The following NCLN variants were observed in gnomAD, a reference collection of about 807,000 sequenced individuals.
NCLN encodes nicalin, also known as BOS complex subunit NCLN.
In NCLN, 34 loss-of-function variants were observed where a neutral mutation model predicts 69.5. The ratio of observed to expected loss-of-function variants is 0.49; its 90% CI spans 0.37 to 0.65. The LOEUF is 0.65. NCLN is among the 30% of genes least tolerant of loss of function. The pLI is 0.00. For missense variants in NCLN, 710 were observed against 804.8 expected (o/e 0.88, Z 1.42); for synonymous variants, 393 against 358.3 (o/e 1.10, Z -1.09).
rs776625607 is a variant in NCLN at position 3,205,844 on chromosome 19, G to A, written c.1209-95G>A. ...TTTTTTTTTAAAGACAGAGTCTCAC[G>A]GTCTCCTAGGCTGGAGTGCTGGGAT... is the stretch of plus-strand genomic sequence containing the variant. On this transcript the variant is annotated intron_variant, in intron 9 of 14. Coordinates refer to ENST00000246117, the MANE Select transcript of NCLN (RefSeq NM_020170.4). This position sits in a 1 kb window ranked among gnomAD's most constrained non-coding sequence, Gnocchi z 4.6. 3.4e-5 allele frequency: 36 copies of A among 1,051,458 alleles called. No homozygotes were observed. The highest frequency in any genetic ancestry group is 9.7e-5 in the African/African-American group (6 of 62,006). The allele number at this position is 1,051,458 out of a possible 1,614,324, so 65.1% of individuals were successfully genotyped here. A position where few individuals can be genotyped will look rare whatever the true frequency, so the allele number is the denominator to read the frequency against.
intron 1 of NCLN, among the ~76,000 whole-genome samples, chr19:3,186,936 C>T (rs573543929): frequency 2.0e-5 from 3 of 152,252 alleles, no homozygotes; most frequent in Middle Eastern, 3.4e-3. Flanking sequence ...CCCTGACGCT[C>T]TCTGGTCCCA....
In NCLN at chr19:3,193,861, C is replaced by T. The variant is rs556274192; in HGVS notation, c.520+433C>T. Reference sequence around the variant, plus strand: ...AAGGGGCACACGCCTTTCCTCCAGCCCCGTGAACGGGGGCCCTGGCAGCGA... The same window carrying T: ...AAGGGGCACACGCCTTTCCTCCAGCTCCGTGAACGGGGGCCCTGGCAGCGA... On this transcript the variant is annotated intron_variant, in intron 3 of 14. Coordinates refer to ENST00000246117, the MANE Select transcript of NCLN (RefSeq NM_020170.4). Among the ~76,000 whole-genome samples, 126 of 152,380 alleles carry T rather than the reference C, an allele frequency of 8.3e-4. 1 individual carries two copies. The highest frequency in any genetic ancestry group is 3.0e-3 in the African/African-American group (124 of 41,586).
At position 3,205,705 on chromosome 19, in the gene NCLN, T is replaced by C. The variant is rs1916245475; in HGVS notation, c.1209-234T>C. ...CAGAAGGAACCAAGGCCTCAGGGCG[T>C]GAGCCTTACCTGCGCACAGGGACGG... On this transcript the variant is annotated intron_variant, in intron 9 of 14. Coordinates refer to ENST00000246117, the MANE Select transcript of NCLN (RefSeq NM_020170.4). This position sits in a 1 kb window ranked among gnomAD's most constrained non-coding sequence, Gnocchi z 4.6. 1.9e-6 allele frequency: 1 copy of C among 539,212 alleles called. No homozygotes were observed. Among genetic ancestry groups the C allele is most frequent in the Non-Finnish European group, 3.3e-6 (1 of 304,308 alleles). The allele number at this position is 539,212 out of a possible 1,614,324, so 33.4% of individuals were successfully genotyped here.
Position 3,205,835 on chromosome 19 carries a change from G to T in NCLN, c.1209-104G>T. On this transcript the variant is annotated intron_variant, in intron 9 of 14. Transcript: ENST00000246117. This position sits in a 1 kb window ranked among gnomAD's most constrained non-coding sequence, Gnocchi z 4.6. ...TAATTTTTTTTTTTTTTTAAAGACA[G>T]AGTCTCACGGTCTCCTAGGCTGGAG... 1.1e-6 allele frequency: 1 copy of T among 937,330 alleles called. No homozygotes were observed. The highest frequency in any genetic ancestry group is 1.7e-6 in the Non-Finnish European group (1 of 602,354). The allele number at this position is 937,330 out of a possible 1,614,324, so 58.1% of individuals were successfully genotyped here.
At chr19:3,196,688 G>A (rs368095995) in intron 4 of NCLN, among the ~76,000 whole-genome samples, 3 of 152,166 alleles carry the variant, frequency 2.0e-5, no homozygotes, top group Non-Finnish European at 4.4e-5. Flanking sequence ...AGACCCTTCC[G>A]AGCACCCCGG....
At position 3,207,161 on chromosome 19, in the gene NCLN, C is replaced by T. The variant is rs371456166; in HGVS notation, c.1500-37C>T. The T allele has an allele frequency of 8.6e-5, 139 of 1,609,678 alleles. No individual in the cohort carries two copies. The African/African-American group carries it at 1.2e-3, about 14-fold the overall frequency. ...AACCCTTTTTTAAGAATTAGCTGGG[C>T]GCAGTGGTGCCCCCTGAGAAAGTGC... On this transcript the variant is annotated intron_variant, in intron 12 of 14. Transcript: ENST00000246117.
At position 3,208,893 on chromosome 19, in the gene NCLN, CGT is replaced by C. The variant is rs1054259900; in HGVS notation, c.*1215_*1216del. On this transcript the variant is annotated 3_prime_UTR_variant, in exon 15 of 15. Coordinates refer to ENST00000246117, the MANE Select transcript of NCLN (RefSeq NM_020170.4). ...ACCCTCCACCCCGCAGACCAGGCGTCGTGTGTGTGTGGGAGAGAAGGAGGCCC... is the reference window on the plus strand; with the variant it reads ...ACCCTCCACCCCGCAGACCAGGCGTCGTGTGTGTGGGAGAGAAGGAGGCCC... The C allele has an allele frequency of 3.3e-5, 5 of 152,376 alleles. No individual in the cohort carries two copies. Among genetic ancestry groups the C allele is most frequent in the Non-Finnish European group, 4.4e-5 (3 of 68,252 alleles). The allele number at this position is 152,376 out of a possible 1,614,324, so 9.4% of individuals were successfully genotyped here.
At chr19:3,207,325 G>T in intron 13 of NCLN, 66 bp from the exon 14 acceptor site, 5 of 1,612,342 alleles carry the variant, frequency 3.1e-6, no homozygotes, top group Non-Finnish European at 4.2e-6. Flanking sequence ...CGGCCCACGG[G>T]GGTCTAGGGG....
At chr19:3,195,720 G>T (rs1018822678) in intron 3 of NCLN, among the ~76,000 whole-genome samples, 1 of 152,108 alleles carries the variant, frequency 6.6e-6, no homozygotes, top group African/African-American at 2.4e-5. Context: ...GATCCTGGGA[G>T]GTAGAGGCTG....
In NCLN at chr19:3,186,027, C is replaced by G; in HGVS notation, c.-4C>G. 3 of 1,558,596 alleles carry G rather than the reference C, an allele frequency of 1.9e-6. No homozygotes were observed. Among genetic ancestry groups the G allele is most frequent in the Non-Finnish European group, 2.6e-6 (3 of 1,157,546 alleles). On this transcript the variant is annotated 5_prime_UTR_variant, in exon 1 of 15. Transcript: ENST00000246117. The stretch of plus-strand genomic sequence containing the variant: ...CGCCCCGCGCGGCCCCGCCGCCGGC[C>G]AGGATGCTGGAGGAAGCGGGCGAGG...
intron 1 of NCLN, among the ~76,000 whole-genome samples, chr19:3,190,379 G>T (rs143789196): frequency 6.6e-6 from 1 of 152,102 alleles, no homozygotes; most frequent in African/African-American, 2.4e-5. Context: ...TGCTGCACCC[G>T]AGACCCCGCC....
At chr19:3,202,338 T>C (rs1454278775) in intron 6 of NCLN, among the ~76,000 whole-genome samples, 2 of 152,144 alleles carry the variant, frequency 1.3e-5, no homozygotes, top group Non-Finnish European at 2.9e-5. Context: ...CCCCAGATAA[T>C]GAATGCAGGC....
At chr19:3,201,398 G>C (rs1916122477) in intron 5 of NCLN, 125 bp from the exon 6 acceptor site, 4 of 678,958 alleles carry the variant, frequency 5.9e-6, no homozygotes, top group Non-Finnish European at 7.7e-6. Context: ...TGTGGGCAGA[G>C]GTCATGGGGC....
At chr19:3,199,070 G>A (rs2304249) in intron 5 of NCLN, among the ~76,000 whole-genome samples, 173 bp downstream of exon 5, 11,967 of 152,236 alleles carry the variant, frequency 0.079, 1,030 homozygotes, top group East Asian at 0.42. Flanking sequence ...GGTGTCGTGG[G>A]GCTGAAACAG....
Position 3,207,609 on chromosome 19 carries a change from C to A in NCLN, c.1633-20C>A. 1.1e-5 allele frequency: 17 copies of A among 1,612,424 alleles called. No homozygotes were observed. Among genetic ancestry groups the A allele is most frequent in the Non-Finnish European group, 1.4e-5 (17 of 1,179,576 alleles). ...CTCTGGCCCCGCCCACATCCTCACT[C>A]CCTCCTGCTGTGTCCCCAGCACTTC... On this transcript the variant is annotated intron_variant, in intron 14 of 14. Transcript: ENST00000246117.
At position 3,203,814 on chromosome 19, in the gene NCLN, C is replaced by T. The variant is rs373049704; in HGVS notation, c.859C>T (p.Arg287Cys). 2.5e-5 allele frequency: 40 copies of T among 1,613,122 alleles called. No individual in the cohort carries two copies. Among genetic ancestry groups the T allele is most frequent in the South Asian group, 1.1e-5 (1 of 91,016 alleles). Residue 287 changes from arginine (R) to cysteine (C), a missense_variant, in exon 7 of 15, where the codon CGC (arginine) becomes TGC (cysteine). Arg to Cys is a radical substitution (Grantham distance 180). Transcript: ENST00000246117. ...CAAGTTTAACTACCAGGGAACCAAG[C>T]GCTGGCTGGAAGACAACCTGGACCA... is the stretch of plus-strand genomic sequence containing the variant. The part of the protein sequence containing the change: ...GGKFNYQGTK[R>C]WLEDNLDHTD...
At chr19:3,188,308 G>C (rs1308430390) in intron 1 of NCLN, among the ~76,000 whole-genome samples, 1 of 152,068 alleles carries the variant, frequency 6.6e-6, no homozygotes, top group African/African-American at 2.4e-5. Flanking sequence ...TCCCTACACT[G>C]TCCCTGGGCA....
At chr19:3,196,378 G>C in intron 4 of NCLN, 101 bp downstream of exon 4, 1 of 848,022 alleles carries the variant, frequency 1.2e-6, no homozygotes, top group Non-Finnish European at 1.8e-6. Flanking sequence ...CCGCTGATGG[G>C]AAACTGGAGT....
chr19:3,196,271 C>T lies in NCLN; in HGVS notation c.609C>T (p.Ser203=), dbSNP rs1269444399. The T allele has an allele frequency of 6.5e-6, 10 of 1,546,108 alleles. No individual in the cohort carries two copies. Among genetic ancestry groups the T allele is most frequent in the Admixed American group, 2.0e-5 (1 of 50,848 alleles). The part of the protein sequence containing the change: ...SKAVSDWLIA[S]VEGRLTGLGG... ...CCGTGAGTGACTGGCTGATTGCCAGCGTGGAGGTGAGTGCCGCCTGCCCCG... is the reference window on the plus strand; with the variant it reads ...CCGTGAGTGACTGGCTGATTGCCAGTGTGGAGGTGAGTGCCGCCTGCCCCG... Residue 203 remains serine, a synonymous_variant, in exon 4 of 15, where the codon AGC becomes AGT. Coordinates refer to ENST00000246117, the MANE Select transcript of NCLN (RefSeq NM_020170.4).
Sources: allele counts gnomAD v4.1 joint callset (sites outside exome capture counted in the v4.1 genomes callset), GRCh38; gene constraint gnomAD v4.1.1; non-coding constraint Gnocchi (gnomAD v3.1); transcripts MANE v1.5; gene names NCBI Gene and HGNC (gene_info 2026-07-23, HGNC 2026-07-21).